Variants in FNDC7 observed in about 807,000 individuals in gnomAD.
FNDC7 encodes the protein fibronectin type III domain-containing protein 7.
A neutral mutation model predicts 74.2 loss-of-function variants in FNDC7; 66 were observed. The observed-to-expected ratio is 0.89, with a 90% CI of 0.73 to 1.09. FNDC7 has a LOEUF of 1.09. Among genes scored for constraint, FNDC7 ranks in the 50% least tolerant of loss-of-function variants. The pLI is 0.00. For synonymous variants in FNDC7, 307 were observed against 330.2 expected, an observed-to-expected ratio of 0.93 and a Z score of 0.76; for missense variants, 829 against 893.4, an observed-to-expected ratio of 0.93 and a Z score of 0.92.
Position 108,730,724 on chromosome 1 carries a change from A to G in FNDC7, c.1675A>G (p.Ile559Val). ...AGTAACTCAAATCACCCAGTCAGTA[A>G]TCAACGTGAGCTGGACTATTGGGAG... Reference protein sequence around the residue: ...LTVTQITQSVINVSWTIGRVA... With the variant: ...LTVTQITQSVVNVSWTIGRVA... Residue 559 changes from isoleucine to valine, a missense_variant, in exon 9 of 13, where the codon ATC becomes GTC. Ile to Val is a conservative substitution (Grantham distance 29, BLOSUM62 3). Coordinates refer to ENST00000370017, the MANE Select transcript of FNDC7 (RefSeq NM_001144937.3). 6.2e-7 allele frequency: 1 copy of G among 1,608,940 alleles called. No individual in the cohort carries two copies.
At chr1:108,722,280 T>G in intron 4 of FNDC7, 55 bp from the exon 5 acceptor site, 1 of 1,466,634 alleles carries the variant, frequency 6.8e-7, no homozygotes, top group Non-Finnish European at 9.1e-7. Context: ...TTATGCCAAC[T>G]CTTACGTAGT....
chr1:108,718,705 G>A, intron 3 of FNDC7, 84 bp from the exon 4 acceptor site: 1 of 1,364,014 alleles, frequency 7.3e-7, no homozygotes, highest in Non-Finnish European at 1.0e-6. Flanking sequence ...TGTATATTAT[G>A]GATATCAATT....
intron 1 of FNDC7, 81 bp downstream of exon 1, chr1:108,713,077 A>G: frequency 8.0e-7 from 1 of 1,257,378 alleles, no homozygotes; most frequent in Non-Finnish European, 1.1e-6. Flanking sequence ...TTTTTTTTTG[A>G]GGAGTTGGGG....
chr1:108,727,962 C>T lies in FNDC7; in HGVS notation c.1266C>T (p.Thr422=). 6.2e-7 allele frequency: 1 copy of T among 1,614,102 alleles called. No homozygotes were observed. The highest frequency in any genetic ancestry group is 8.5e-7 in the Non-Finnish European group (1 of 1,180,018). ...GCAATGACACTACTCCTGCGTGCAC[C>T]CTTTCGGCTCTAGAGTGTGACACCA... ...VECNDTTPAC[T]LSALECDTKY... The change falls in exon 7 of 13, where the codon ACC becomes ACT. Residue 422 remains threonine, a synonymous_variant. Coordinates refer to ENST00000370017, the MANE Select transcript of FNDC7 (RefSeq NM_001144937.3).
intron 5 of FNDC7, among the ~76,000 whole-genome samples, chr1:108,723,321 A>AT (rs1029361008): frequency 1.3e-3 from 199 of 152,320 alleles, no homozygotes; most frequent in Middle Eastern, 6.8e-3. Flanking sequence ...TAGAGCTGAG[A>AT]TTCAAGCTGC....
chr1:108,730,590 G>A (rs1350420530), intron 8 of FNDC7, 84 bp from the exon 9 acceptor site: 24 of 1,445,704 alleles, frequency 1.7e-5, no homozygotes, highest in Non-Finnish European at 2.2e-5. Flanking sequence ...TGAAACACAG[G>A]CAAAATACCA....
intron 2 of FNDC7, among the ~76,000 whole-genome samples, chr1:108,714,604 C>T (rs1448354768): frequency 1.9e-5 from 1 of 53,644 alleles, no homozygotes; most frequent in Non-Finnish European, 4.3e-5. Flanking sequence ...TACAAAGTGG[C>T]ATTTTTTTTT....
intron 4 of FNDC7, 38 bp downstream of exon 4, chr1:108,719,087 T>C (rs1447351536): frequency 6.5e-7 from 1 of 1,548,324 alleles, no homozygotes; most frequent in East Asian, 2.4e-5. Flanking sequence ...CAATTCTACT[T>C]TTGATTAATG....
At chr1:108,728,154 A>G in intron 7 of FNDC7, 89 bp downstream of exon 7, 1 of 1,471,250 alleles carries the variant, frequency 6.8e-7, no homozygotes, top group East Asian at 2.3e-5. Context: ...GAGACCAATA[A>G]AAAGGTTAAA....
intron 4 of FNDC7, 98 bp downstream of exon 4, chr1:108,719,147 C>T: frequency 7.5e-7 from 1 of 1,338,774 alleles, no homozygotes; most frequent in Non-Finnish European, 1.0e-6. Context: ...ATGACAAGTA[C>T]AGAGCAGCTG....
At chr1:108,741,696 C>CA in intron 11 of FNDC7, 77 bp from the exon 12 acceptor site, 1 of 1,460,150 alleles carries the variant, frequency 6.8e-7, no homozygotes, top group South Asian at 1.2e-5. Context: ...CATAAAATCT[C>CA]AGACACTGGT....
intron 10 of FNDC7, 111 bp downstream of exon 10, chr1:108,733,643 T>G: frequency 9.3e-7 from 1 of 1,072,406 alleles, no homozygotes; most frequent in Non-Finnish European, 1.3e-6. Flanking sequence ...GGTATAAAAT[T>G]TCTTTCTTTT....
At chr1:108,726,377 G>T (rs1661220770) in intron 6 of FNDC7, among the ~76,000 whole-genome samples, 1 of 152,214 alleles carries the variant, frequency 6.6e-6, no homozygotes, top group Non-Finnish European at 1.5e-5. Flanking sequence ...ACATACAATG[G>T]CCAAGACGCT....
intron 11 of FNDC7, among the ~76,000 whole-genome samples, chr1:108,738,943 C>T (rs1196087209): frequency 6.6e-6 from 1 of 151,858 alleles, no homozygotes; most frequent in Non-Finnish European, 1.5e-5. Context: ...GACCATACAC[C>T]CTGGTCTTCA....
chr1:108,721,285 T>C (rs1287702504), intron 4 of FNDC7, among the ~76,000 whole-genome samples: 1 of 152,044 alleles, frequency 6.6e-6, no homozygotes, highest in Non-Finnish European at 1.5e-5. Context: ...CTGGCTAACA[T>C]GGTGAAACCC....
chr1:108,718,893 C>T lies in FNDC7; in HGVS notation c.442C>T (p.Arg148Ter), dbSNP rs755463933. ...MAIAFSVSIM[R>*]ANGLGSIWKE... ...AATTGCATTCTCCGTGTCCATTATGCGAGCCAATGGCTTGGGGAGTATATG... is the reference window on the plus strand; with the variant it reads ...AATTGCATTCTCCGTGTCCATTATGTGAGCCAATGGCTTGGGGAGTATATG... Residue 148 changes from arginine to a stop codon, truncating the protein, a stop_gained, in exon 4 of 13, where the codon CGA becomes TGA. Coordinates refer to ENST00000370017, the MANE Select transcript of FNDC7 (RefSeq NM_001144937.3). LOFTEE classifies it high-confidence loss of function. 22 of 1,551,502 alleles carry T rather than the reference C, an allele frequency of 1.4e-5. No individual in the cohort carries two copies. Among genetic ancestry groups the T allele is most frequent in the African/African-American group, 8.2e-5 (6 of 73,000 alleles).
intron 10 of FNDC7, among the ~76,000 whole-genome samples, chr1:108,737,025 T>C: frequency 7.3e-6 from 1 of 137,078 alleles, no homozygotes; most frequent in East Asian, 2.1e-4. Flanking sequence ...TGGAGTGCAA[T>C]GGCGCAATCT....
At chr1:108,733,080 G>A (rs562062826) in intron 9 of FNDC7, among the ~76,000 whole-genome samples, 192 bp from the exon 10 acceptor site, 1 of 151,742 alleles carries the variant, frequency 6.6e-6, no homozygotes, top group South Asian at 2.1e-4. Context: ...AGCCACCCAT[G>A]GATTTCTGAT....
In FNDC7 at chr1:108,731,255, A is replaced by G. The variant is rs543402234; in HGVS notation, c.1879+327A>G. ...GAGTTTTCTGAAAGCTAGATCACAC[A>G]TTCTGTTTGGTTTGCATTTTTTTCT... is the stretch of plus-strand genomic sequence containing the variant. On this transcript the variant is annotated intron_variant, in intron 9 of 12. Coordinates refer to ENST00000370017, the MANE Select transcript of FNDC7 (RefSeq NM_001144937.3). Among the ~76,000 whole-genome samples, 41 of 152,276 alleles carry G rather than the reference A, an allele frequency of 2.7e-4. 2 individuals carry two copies. Among genetic ancestry groups the G allele is most frequent in the African/African-American group, 9.4e-4 (39 of 41,558 alleles).
Sources: gnomAD v4.1 joint callset for allele counts (sites outside exome capture counted in the v4.1 genomes callset) on GRCh38, gnomAD v4.1.1 for gene constraint, MANE v1.5 for transcripts, NCBI Gene and HGNC (gene_info 2026-07-23, HGNC 2026-07-21) for gene names.